The following ANXA8 variants were observed in gnomAD, a reference collection of about 807,000 sequenced individuals.
ANXA8 encodes annexin A8.
ANXA8 carries 9 observed loss-of-function variants against 26.8 expected under a neutral mutation model. The observed-to-expected ratio is 0.34, with a 90% CI of 0.20 to 0.59. ANXA8 has a LOEUF of 0.59. Ranked by LOEUF, ANXA8 falls within the 20% of genes least tolerant of loss-of-function variation. The pLI is 0.84. For synonymous variants in ANXA8, 39 were observed against 94.8 expected (o/e 0.41, Z 3.42); for missense variants, 83 against 238.5 (o/e 0.35, Z 4.29).
the ANXA8 span, among the ~76,000 whole-genome samples, chr10:47,989,352 C>T: frequency 0.46 from 38,385 of 82,588 alleles, 5,553 homozygotes; most frequent in Admixed American, 0.5. Flanking sequence ...GGTGCACCAG[C>T]GAGTGCCCAG....
chr10:47,711,032 T>G, the ANXA8 span, among the ~76,000 whole-genome samples: 1 of 149,916 alleles, frequency 6.7e-6, no homozygotes, highest in Non-Finnish European at 1.5e-5. Context: ...CTGGAGAAGC[T>G]TCTACAATTT....
At chr10:47,536,576 C>T in the ANXA8 span, among the ~76,000 whole-genome samples, 766 of 123,698 alleles carry the variant, frequency 6.2e-3, 7 homozygotes, top group African/African-American at 0.017. Flanking sequence ...CACACACACA[C>T]ATAAACACTA....
chr10:47,483,778 T>C, intron 1 of ANXA8, 135 bp downstream of exon 1: 1 of 1,601,234 alleles, frequency 6.2e-7, no homozygotes, highest in South Asian at 1.1e-5. Context: ...CCACCCTCCA[T>C]GCTTGGCCCA....
chr10:47,743,405 T>TGTGAGAGAGAGAGA, the ANXA8 span, among the ~76,000 whole-genome samples: 2 of 83,528 alleles, frequency 2.4e-5, no homozygotes, highest in Non-Finnish European at 4.4e-5. Flanking sequence ...TGTGTGTGTG[T>TGTGAGAGAGAGAGA]GAGAGAGAGA....
the ANXA8 span, among the ~76,000 whole-genome samples, chr10:47,495,089 G>A: frequency 2.0e-5 from 3 of 150,360 alleles, no homozygotes; most frequent in African/African-American, 7.4e-5. Context: ...CACCTCCTAT[G>A]ACGTCCTCCA....
At chr10:47,632,788 A>C in the ANXA8 span, among the ~76,000 whole-genome samples, 1 of 144,844 alleles carries the variant, frequency 6.9e-6, no homozygotes, top group Non-Finnish European at 1.5e-5. Flanking sequence ...GAGTAACGGT[A>C]TGACATTATG....
At chr10:47,743,405 T>TGTGTGTGTGAGA in the ANXA8 span, among the ~76,000 whole-genome samples, 118 of 83,516 alleles carry the variant, frequency 1.4e-3, 1 homozygote, top group African/African-American at 4.2e-3. Context: ...TGTGTGTGTG[T>TGTGTGTGTGAGA]GAGAGAGAGA....
the ANXA8 span, among the ~76,000 whole-genome samples, chr10:47,617,772 C>T: frequency 6.8e-6 from 1 of 146,218 alleles, no homozygotes; most frequent in Non-Finnish European, 1.5e-5. Context: ...AATGACTTTT[C>T]AATGCAAATG....
At chr10:47,595,046 C>T in the ANXA8 span, among the ~76,000 whole-genome samples, 2 of 148,868 alleles carry the variant, frequency 1.3e-5, no homozygotes, top group East Asian at 3.9e-4. Context: ...CAAAGGGAAC[C>T]CATCAGACTA....
At chr10:47,596,879 G>A in the ANXA8 span, among the ~76,000 whole-genome samples, 1 of 147,822 alleles carries the variant, frequency 6.8e-6, no homozygotes, top group Non-Finnish European at 1.5e-5. Context: ...AAAAATCGAG[G>A]ATGAGAGATT....
chr10:47,706,703 A>AG, the ANXA8 span: 2 of 1,464,966 alleles, frequency 1.4e-6, 1 homozygote, highest in Non-Finnish European at 1.9e-6. Context: ...TTTTGGAGGC[A>AG]GAAAAAATGG....
the ANXA8 span, among the ~76,000 whole-genome samples, chr10:47,946,024 G>A: frequency 1.4e-5 from 2 of 142,716 alleles, no homozygotes; most frequent in Admixed American, 6.9e-5. Context: ...TTTTTTTTAG[G>A]TGTTAGAAGA....
the ANXA8 span, among the ~76,000 whole-genome samples, chr10:47,607,933 CTG>C: frequency 3.1e-5 from 4 of 130,394 alleles, 1 homozygote; most frequent in African/African-American, 9.7e-5. Context: ...AATATGAAAA[CTG>C]TTTAATCTGT....
At chr10:47,710,059 CT>C in the ANXA8 span, among the ~76,000 whole-genome samples, 1 of 128,816 alleles carries the variant, frequency 7.8e-6, no homozygotes, top group Non-Finnish European at 1.6e-5. Flanking sequence ...TACATCTAAA[CT>C]GATTCAAGAC....
At chr10:47,577,245 AG>A in the ANXA8 span, among the ~76,000 whole-genome samples, 1 of 120,514 alleles carries the variant, frequency 8.3e-6, no homozygotes, top group Admixed American at 8.4e-5. Flanking sequence ...AAAAAAAAAC[AG>A]GGTTGGGGAA....
chr10:47,974,535 G>A, the ANXA8 span, among the ~76,000 whole-genome samples: 3 of 147,670 alleles, frequency 2.0e-5, no homozygotes, highest in Non-Finnish European at 4.5e-5. Context: ...GGCATTTAAC[G>A]TTATAAACTT....
At chr10:47,605,846 G>T in the ANXA8 span, among the ~76,000 whole-genome samples, 1 of 140,330 alleles carries the variant, frequency 7.1e-6, no homozygotes, top group African/African-American at 2.8e-5. Context: ...GCCATAATGA[G>T]CACAAGAAAG....
At chr10:47,563,548 A>G in the ANXA8 span, 2 of 824,316 alleles carry the variant, frequency 2.4e-6, no homozygotes, top group Non-Finnish European at 2.2e-6. Flanking sequence ...ATTTGTTCTA[A>G]ATATATCCCC....
chr10:47,735,436 A>G, the ANXA8 span, among the ~76,000 whole-genome samples: 1 of 148,900 alleles, frequency 6.7e-6, no homozygotes, highest in Admixed American at 6.7e-5. Context: ...GGATGAATGA[A>G]AGTGAGAAAA....
Sources: allele counts gnomAD v4.1 joint callset (sites outside exome capture counted in the v4.1 genomes callset), GRCh38; gene constraint gnomAD v4.1.1; transcripts MANE v1.5; gene names NCBI Gene and HGNC (gene_info 2026-07-23, HGNC 2026-07-21).